The following INTS3 variants were observed in gnomAD, a reference collection of about 807,000 sequenced individuals.
INTS3 encodes the protein integrator complex subunit 3, also known as SOSS complex subunit A.
INTS3 carries 34 observed loss-of-function variants against 146.3 expected under a neutral mutation model. The observed-to-expected ratio is 0.23, with a 90% CI of 0.18 to 0.31. The LOEUF (loss-of-function observed/expected upper bound fraction) is 0.31, where lower values mean the gene tolerates loss of function less well. Ranked by LOEUF, INTS3 falls within the 10% of genes least tolerant of loss-of-function variation. The probability of loss-of-function intolerance (pLI) is 1.00; values close to 1 mark genes in which losing one functional copy is unlikely to be tolerated. For missense variants in INTS3, 757 were observed against 1,304.2 expected (o/e 0.58, Z 6.46); for synonymous variants, 475 against 494.9 (o/e 0.96, Z 0.53).
intron 22 of INTS3, among the ~76,000 whole-genome samples, chr1:153,769,427 A>C (rs1008803619): frequency 6.6e-6 from 1 of 152,138 alleles, no homozygotes; most frequent in Non-Finnish European, 1.5e-5. Context: ...GAGGAAGCTT[A>C]GCACCCAAGA....
At chr1:153,733,354 A>G (rs1671160015) in intron 1 of INTS3, among the ~76,000 whole-genome samples, 1 of 151,140 alleles carries the variant, frequency 6.6e-6, no homozygotes, top group South Asian at 2.1e-4. Context: ...CTGGGACTGC[A>G]GGTGTGCACC....
chr1:153,746,884 A>G lies in INTS3; in HGVS notation c.319-73A>G. 4 of 824,942 alleles carry G rather than the reference A, an allele frequency of 4.8e-6. No individual in the cohort carries two copies. The South Asian group carries it at 5.9e-5, about 12-fold the overall frequency. The allele number at this position is 824,942 out of a possible 1,614,324, so 51.1% of individuals were successfully genotyped here. On this transcript the variant is annotated intron_variant, in intron 3 of 29. Transcript: ENST00000318967. ...TTTAAGTTTAAGGGATTAGAGGGCA[A>G]GGGGTCCACTGTGGGTGGGGTGAGG...
intron 9 of INTS3, among the ~76,000 whole-genome samples, chr1:153,756,864 G>A (rs1672181527): frequency 6.6e-6 from 1 of 152,152 alleles, no homozygotes; most frequent in Admixed American, 6.5e-5. Flanking sequence ...TACAATAGCT[G>A]CATTTCACAT....
rs1408384699 is a variant in INTS3 at position 153,773,654 on chromosome 1, T to C, written c.*384T>C. 8.9e-5 allele frequency: 27 copies of C among 301,798 alleles called. No homozygotes were observed. The Admixed American group carries it at 1.2e-3, about 13-fold the overall frequency. The allele number at this position is 301,798 out of a possible 1,614,324, so 18.7% of individuals were successfully genotyped here. A position where few individuals can be genotyped will look rare whatever the true frequency, so the allele number is the denominator to read the frequency against. On this transcript the variant is annotated 3_prime_UTR_variant, in exon 30 of 30. Coordinates refer to ENST00000318967, the MANE Select transcript of INTS3 (RefSeq NM_023015.5). Reference sequence around the variant, plus strand: ...AATGACAAAGGGGCAGCTGGCCAGATAAGCTAGGATGAGAGCAGAGACTCA... The same window carrying C: ...AATGACAAAGGGGCAGCTGGCCAGACAAGCTAGGATGAGAGCAGAGACTCA...
intron 1 of INTS3, among the ~76,000 whole-genome samples, chr1:153,736,518 C>G (rs1671298913): frequency 6.6e-6 from 1 of 150,838 alleles, no homozygotes; most frequent in African/African-American, 2.4e-5. Flanking sequence ...GCAATCTTGG[C>G]TCACTGCAAC....
intron 1 of INTS3, among the ~76,000 whole-genome samples, chr1:153,736,643 C>T (rs1671302279): frequency 6.6e-6 from 1 of 151,564 alleles, no homozygotes; most frequent in South Asian, 2.1e-4. Context: ...GACGGGGTTT[C>T]ACCATGTTGG....
chr1:153,740,810 C>G, intron 2 of INTS3, 76 bp downstream of exon 2: 1 of 1,193,294 alleles, frequency 8.4e-7, no homozygotes, highest in Non-Finnish European at 1.3e-6. Context: ...GATGGAAAGA[C>G]TAAGTGGTTG....
At chr1:153,748,371 T>C in intron 5 of INTS3, 1 of 364,868 alleles carries the variant, frequency 2.7e-6, no homozygotes, top group Non-Finnish European at 5.2e-6. Flanking sequence ...CATCCTTTCT[T>C]TCCAACTGTG....
In INTS3 at chr1:153,728,721, A is replaced by C. The variant is rs148579877; in HGVS notation, c.87A>C (p.Gly29=). 267 of 1,609,552 alleles carry C rather than the reference A, an allele frequency of 1.7e-4. No homozygotes were observed. The highest frequency in any genetic ancestry group is 2.0e-4 in the Admixed American group (12 of 59,636). Residue 29 remains glycine (G), a synonymous_variant, in exon 1 of 30, where the codon GGA becomes GGC. Coordinates refer to ENST00000318967, the MANE Select transcript of INTS3 (RefSeq NM_023015.5). ...GTGGAGGAGGAGGAGCGGGAGCAGG[A>C]GCCCCAGGAGGGGGGAGGCTGCTAC... ...AGGGGGGAGA[G]APGGGRLLLS...
In INTS3 at chr1:153,763,342, A is replaced by G. The variant is rs1249271722; in HGVS notation, c.1746A>G (p.Val582=). 4 of 1,613,898 alleles carry G rather than the reference A, an allele frequency of 2.5e-6. No homozygotes were observed. Among genetic ancestry groups the G allele is most frequent in the Admixed American group, 1.7e-5 (1 of 59,992 alleles). Residue 582 remains valine, a synonymous_variant, in exon 16 of 30, where the codon GTA becomes GTG. Coordinates refer to ENST00000318967, the MANE Select transcript of INTS3 (RefSeq NM_023015.5). The part of the protein sequence containing the change: ...DQLDESLRDK[V]LQLQKGSDTE... ...TGGATGAGTCCCTGAGGGACAAAGT[A>G]CTCCAGCTACAGAAGGGGAGGTGGG...
intron 22 of INTS3, 103 bp from the exon 23 acceptor site, chr1:153,769,666 A>AT (rs57979726): frequency 0.018 from 9,860 of 538,798 alleles, no homozygotes; most frequent in South Asian, 0.028. Flanking sequence ...ACTTCCTCTA[A>AT]TTTTTTTTTT....
chr1:153,737,767 G>A (rs1671358495), intron 1 of INTS3, among the ~76,000 whole-genome samples: 1 of 152,158 alleles, frequency 6.6e-6, no homozygotes, highest in African/African-American at 2.4e-5. Flanking sequence ...CAAAAGTGCT[G>A]GGATTACAGA....
chr1:153,760,006 G>T (rs530978817), intron 11 of INTS3: 71 of 509,360 alleles, frequency 1.4e-4, no homozygotes, highest in African/African-American at 9.9e-4. Context: ...TGGAAATGGG[G>T]GGAATAGACA....
chr1:153,754,709 G>A lies in INTS3; in HGVS notation c.927G>A (p.Met309Ile). Residue 309 changes from methionine to isoleucine, a missense_variant, in exon 9 of 30, where the codon ATG (methionine) becomes ATA (isoleucine). By Grantham distance (10) the Met-to-Ile change is conservative. Transcript: ENST00000318967. Reference sequence around the variant, plus strand: ...TAGCATGTCGTCTAACCCCGGACATGGAGACTAAACTCCTCTTCATGACAT... The same window carrying A: ...TAGCATGTCGTCTAACCCCGGACATAGAGACTAAACTCCTCTTCATGACAT... ...KFLACRLTPD[M>I]ETKLLFMTSR... 1 of 1,612,916 alleles carries A rather than the reference G, an allele frequency of 6.2e-7. No individual in the cohort carries two copies. Among genetic ancestry groups the A allele is most frequent in the Non-Finnish European group, 8.5e-7 (1 of 1,178,896 alleles).
intron 16 of INTS3, 110 bp downstream of exon 16, chr1:153,763,472 G>A: frequency 1.7e-6 from 2 of 1,166,372 alleles, no homozygotes; most frequent in Non-Finnish European, 2.5e-6. Flanking sequence ...TGATAGGAGT[G>A]TGTGGAGAGG....
intron 20 of INTS3, among the ~76,000 whole-genome samples, chr1:153,765,473 G>T (rs1672543108): frequency 1.3e-5 from 2 of 152,120 alleles, no homozygotes; most frequent in South Asian, 4.1e-4. Flanking sequence ...TTACATACAG[G>T]CATGCGCCAT....
chr1:153,738,390 A>C (rs1245103920), intron 1 of INTS3, among the ~76,000 whole-genome samples: 1 of 152,304 alleles, frequency 6.6e-6, no homozygotes, highest in East Asian at 1.9e-4. Flanking sequence ...TACCGTGCCC[A>C]GCCCTTAAGC....
chr1:153,761,112 C>T, intron 13 of INTS3, 194 bp downstream of exon 13: 1 of 1,393,982 alleles, frequency 7.2e-7, no homozygotes, highest in Non-Finnish European at 9.4e-7. Flanking sequence ...TTACAAAGGT[C>T]TTCAAATGCC....
At chr1:153,741,235 C>A in intron 2 of INTS3, 50 bp from the exon 3 acceptor site, 1 of 1,370,110 alleles carries the variant, frequency 7.3e-7, no homozygotes, top group Non-Finnish European at 1.0e-6. Flanking sequence ...AGTTTGAGAA[C>A]TTACTGCCTG....
Sources: gnomAD v4.1 joint callset for allele counts (sites outside exome capture counted in the v4.1 genomes callset) on GRCh38, gnomAD v4.1.1 for gene constraint, MANE v1.5 for transcripts, NCBI Gene and HGNC (gene_info 2026-07-23, HGNC 2026-07-21) for gene names.